Variants in CEP85L observed in about 807,000 individuals in gnomAD.
CEP85L encodes the protein centrosomal protein 85L.
CEP85L carries 60 observed loss-of-function variants against 100.3 expected under a neutral mutation model. That is an observed-to-expected ratio of 0.60 (90% CI 0.49 to 0.74). The LOEUF (loss-of-function observed/expected upper bound fraction) is 0.74. Ranked by LOEUF, CEP85L falls within the 30% of genes least tolerant of loss-of-function variation. The probability of loss-of-function intolerance (pLI) is 0.00; values close to 1 mark genes in which losing one functional copy is unlikely to be tolerated. For missense variants in CEP85L, 973 were observed against 936.2 expected (o/e 1.04, Z -0.51); for synonymous variants, 319 against 322.7 (o/e 0.99, Z 0.12).
At chr6:118,564,724 A>G (rs915877440) in intron 3 of CEP85L, among the ~76,000 whole-genome samples, 1 of 152,138 alleles carries the variant, frequency 6.6e-6, no homozygotes, top group Non-Finnish European at 1.5e-5. Flanking sequence ...TACTCTAGGG[A>G]AAATTTGCAA....
chr6:118,500,250 T>C (rs915804318), intron 5 of CEP85L, among the ~76,000 whole-genome samples: 5 of 152,062 alleles, frequency 3.3e-5, no homozygotes, highest in African/African-American at 1.2e-4. Flanking sequence ...GAGGCTGTAG[T>C]GAGCTACTGC....
intron 1 of CEP85L, among the ~76,000 whole-genome samples, chr6:118,679,299 TG>T (rs1264088997): frequency 1.3e-5 from 2 of 152,156 alleles, no homozygotes. Flanking sequence ...TAAAGAGACC[TG>T]GCACAAGATG....
chr6:118,701,862 C>T (rs1027084873), intron 1 of CEP85L, among the ~76,000 whole-genome samples: 1 of 151,996 alleles, frequency 6.6e-6, no homozygotes, highest in African/African-American at 2.4e-5. Flanking sequence ...ATTCTAATAA[C>T]ATTTACTCCT....
chr6:118,488,678 G>T (rs1167635689), intron 6 of CEP85L, among the ~76,000 whole-genome samples: 1 of 152,064 alleles, frequency 6.6e-6, no homozygotes, highest in African/African-American at 2.4e-5. Flanking sequence ...GAGGCAGGAG[G>T]CATGGGGAAT....
chr6:118,591,499 C>G (rs534617658), intron 2 of CEP85L, among the ~76,000 whole-genome samples: 2 of 152,286 alleles, frequency 1.3e-5, no homozygotes, highest in South Asian at 4.1e-4. Flanking sequence ...CTTTCCACAA[C>G]CAATCAGACG....
chr6:118,521,403 T>C (rs1776660605), intron 4 of CEP85L, among the ~76,000 whole-genome samples: 1 of 152,242 alleles, frequency 6.6e-6, no homozygotes, highest in Non-Finnish European at 1.5e-5. Context: ...TCTTCTGTTT[T>C]ATACAATATC....
intron 1 of CEP85L, among the ~76,000 whole-genome samples, chr6:118,648,601 G>C (rs1477849253): frequency 1.3e-5 from 2 of 152,028 alleles, no homozygotes; most frequent in African/African-American, 4.8e-5. Context: ...AATAACCCGG[G>C]TGTGGTGGCG....
intron 2 of CEP85L, among the ~76,000 whole-genome samples, chr6:118,568,608 T>A (rs1779687229): frequency 6.6e-6 from 1 of 152,216 alleles, no homozygotes; most frequent in African/African-American, 2.4e-5. Context: ...AAATGTGGTA[T>A]CACTGAGCTT....
intron 8 of CEP85L, among the ~76,000 whole-genome samples, chr6:118,481,193 A>C (rs866456284): frequency 1.3e-4 from 20 of 151,452 alleles, no homozygotes; most frequent in Middle Eastern, 3.2e-3. Context: ...TAAGGAGTGC[A>C]GTTTGAGTAT....
chr6:118,520,133 T>C (rs562324180), intron 4 of CEP85L, among the ~76,000 whole-genome samples: 1 of 152,062 alleles, frequency 6.6e-6, no homozygotes, highest in Non-Finnish European at 1.5e-5. Context: ...TAAAACAAAC[T>C]AGGGACAAGA....
chr6:118,511,458 C>G, intron 4 of CEP85L, 43 bp from the exon 5 acceptor site: 1 of 1,297,708 alleles, frequency 7.7e-7, no homozygotes, highest in Non-Finnish European at 1.1e-6. Flanking sequence ...TTATAATTTT[C>G]TAATAGTTAG....
intron 1 of CEP85L, among the ~76,000 whole-genome samples, chr6:118,694,092 A>G (rs927904365): frequency 2.0e-5 from 3 of 152,220 alleles, no homozygotes; most frequent in Non-Finnish European, 4.4e-5. Flanking sequence ...TGAATGCCTA[A>G]CTACATATAT....
chr6:118,549,428 G>A (rs1368371499), intron 3 of CEP85L, among the ~76,000 whole-genome samples: 2 of 151,576 alleles, frequency 1.3e-5, no homozygotes, highest in South Asian at 2.1e-4. Context: ...CTCTGTCAGG[G>A]CATACAGAAA....
At chr6:118,531,439 G>A (rs898830274) in intron 3 of CEP85L, among the ~76,000 whole-genome samples, 2 of 152,164 alleles carry the variant, frequency 1.3e-5, no homozygotes, top group East Asian at 3.9e-4. Flanking sequence ...TACCATTGTG[G>A]ACACAGGCCT....
At chr6:118,614,500 A>G (rs940585819) in intron 2 of CEP85L, among the ~76,000 whole-genome samples, 1 of 152,240 alleles carries the variant, frequency 6.6e-6, no homozygotes, top group Non-Finnish European at 1.5e-5. Context: ...ACAAACTCTT[A>G]GAACTAATGC....
chr6:118,559,509 G>T (rs1779102544), intron 3 of CEP85L: 1 of 206,748 alleles, frequency 4.8e-6, no homozygotes, highest in Non-Finnish European at 1.1e-5. Flanking sequence ...TATTTTTCAG[G>T]TCTTCACCAA....
intron 2 of CEP85L, among the ~76,000 whole-genome samples, chr6:118,591,471 T>G (rs1781186385): frequency 6.6e-6 from 1 of 152,180 alleles, no homozygotes; most frequent in African/African-American, 2.4e-5. Context: ...TAACTTCACT[T>G]CAGCCTCTGA....
intron 2 of CEP85L, among the ~76,000 whole-genome samples, chr6:118,609,793 A>G (rs1244690064): frequency 6.6e-6 from 1 of 152,224 alleles, no homozygotes; most frequent in Non-Finnish European, 1.5e-5. Flanking sequence ...AGGTGGAAAC[A>G]GAAACCTTAA....
intron 3 of CEP85L, among the ~76,000 whole-genome samples, chr6:118,531,344 A>G (rs1393180767): frequency 6.6e-6 from 1 of 152,146 alleles, no homozygotes; most frequent in Non-Finnish European, 1.5e-5. Flanking sequence ...TCCTTATACT[A>G]TATACAAAAA....
Sources: gnomAD v4.1 joint callset for allele counts (sites outside exome capture counted in the v4.1 genomes callset) on GRCh38, gnomAD v4.1.1 for gene constraint, MANE v1.5 for transcripts, NCBI Gene and HGNC (gene_info 2026-07-23, HGNC 2026-07-21) for gene names.